The following KITLG variants were observed in gnomAD, a reference collection of about 807,000 sequenced individuals.
KITLG encodes KIT ligand.
In KITLG, 13 loss-of-function variants were observed where a neutral mutation model predicts 34.1. The ratio of observed to expected loss-of-function variants is 0.38; its 90% CI spans 0.25 to 0.61. KITLG has a LOEUF of 0.61. Among genes scored for constraint, KITLG ranks in the 20% least tolerant of loss-of-function variants. The probability of loss-of-function intolerance (pLI) is 0.60; values close to 1 mark genes in which losing one functional copy is unlikely to be tolerated. For missense variants in KITLG, 292 were observed against 318.9 expected, an observed-to-expected ratio of 0.92 and a Z score of 0.64; for synonymous variants, 110 against 104.0, an observed-to-expected ratio of 1.06 and a Z score of -0.35.
intron 1 of KITLG, among the ~76,000 whole-genome samples, chr12:88,551,960 C>G (rs989529471): frequency 6.6e-6 from 1 of 151,934 alleles, no homozygotes; most frequent in African/African-American, 2.4e-5. Flanking sequence ...GAAGAAGGGT[C>G]GGGGAAATGT....
chr12:88,538,482 G>A (rs1313717097), intron 2 of KITLG, among the ~76,000 whole-genome samples: 2 of 151,702 alleles, frequency 1.3e-5, no homozygotes, highest in African/African-American at 2.4e-5. Flanking sequence ...AAGTGGTGAT[G>A]CAACACTGAA....
intron 2 of KITLG, among the ~76,000 whole-genome samples, chr12:88,544,875 A>T (rs1592576913): frequency 6.6e-6 from 1 of 152,116 alleles, no homozygotes; most frequent in Non-Finnish European, 1.5e-5. Flanking sequence ...TTATCCCAGT[A>T]CCTCAAAAAA....
intron 4 of KITLG, among the ~76,000 whole-genome samples, chr12:88,517,760 T>G (rs1431724207): frequency 6.6e-6 from 1 of 152,108 alleles, no homozygotes; most frequent in East Asian, 1.9e-4. Flanking sequence ...GATTGGATTA[T>G]TAGTATGGTA....
At chr12:88,531,272 C>T (rs1381754079) in intron 3 of KITLG, among the ~76,000 whole-genome samples, 4 of 152,164 alleles carry the variant, frequency 2.6e-5, no homozygotes, top group African/African-American at 9.7e-5. Flanking sequence ...ACATTACAAG[C>T]CCTGAAAGCA....
intron 6 of KITLG, among the ~76,000 whole-genome samples, chr12:88,509,584 G>T (rs1269562043): frequency 6.6e-6 from 1 of 152,150 alleles, no homozygotes; most frequent in Non-Finnish European, 1.5e-5. Context: ...CAATCTTCCT[G>T]CAGGAGACAG....
chr12:88,548,906 T>C (rs1378974023), intron 1 of KITLG, among the ~76,000 whole-genome samples: 1 of 152,200 alleles, frequency 6.6e-6, no homozygotes, highest in African/African-American at 2.4e-5. Flanking sequence ...TAGAACTAAC[T>C]GTACTCTTTT....
At chr12:88,528,731 A>G (rs1869970899) in intron 3 of KITLG, among the ~76,000 whole-genome samples, 1 of 152,226 alleles carries the variant, frequency 6.6e-6, no homozygotes, top group Non-Finnish European at 1.5e-5. Flanking sequence ...GCATACATAG[A>G]AAGAAAGCAA....
chr12:88,541,403 A>AT (rs1870513240), intron 2 of KITLG, among the ~76,000 whole-genome samples: 1 of 152,142 alleles, frequency 6.6e-6, no homozygotes, highest in African/African-American at 2.4e-5. Flanking sequence ...AAGACAAAAC[A>AT]TTTTTTCTTT....
chr12:88,577,855 G>T (rs1397898465), intron 1 of KITLG, among the ~76,000 whole-genome samples: 2 of 152,176 alleles, frequency 1.3e-5, no homozygotes, highest in African/African-American at 4.8e-5. Context: ...TTGGAGAGCT[G>T]TGTAATTCAA....
At chr12:88,541,969 T>C (rs1252175558) in intron 2 of KITLG, among the ~76,000 whole-genome samples, 1 of 152,142 alleles carries the variant, frequency 6.6e-6, no homozygotes, top group Non-Finnish European at 1.5e-5. Flanking sequence ...ATGATTTCCA[T>C]TGAAGGAATA....
chr12:88,525,375 A>G (rs775586266), intron 3 of KITLG, among the ~76,000 whole-genome samples: 4 of 152,178 alleles, frequency 2.6e-5, no homozygotes, highest in Non-Finnish European at 2.9e-5. Flanking sequence ...CTCCTTCAAG[A>G]TTTGGAAATC....
intron 3 of KITLG, among the ~76,000 whole-genome samples, chr12:88,527,161 C>T (rs1015776401): frequency 3.3e-5 from 5 of 152,152 alleles, no homozygotes; most frequent in Admixed American, 1.3e-4. Context: ...AGCCACTGTG[C>T]CCAGCTAGAT....
chr12:88,541,429 T>C (rs1227122684), intron 2 of KITLG, among the ~76,000 whole-genome samples: 2 of 152,156 alleles, frequency 1.3e-5, no homozygotes, highest in African/African-American at 4.8e-5. Flanking sequence ...AACAAAATCA[T>C]ATTGAGTTAA....
At chr12:88,512,463 A>G (rs1009253788) in intron 6 of KITLG, among the ~76,000 whole-genome samples, 21 of 152,052 alleles carry the variant, frequency 1.4e-4, no homozygotes, top group Non-Finnish European at 2.5e-4. Flanking sequence ...GGATAGATAA[A>G]ATGGATTAAA....
At chr12:88,506,976 A>G in intron 7 of KITLG, 52 bp downstream of exon 7, 1 of 979,758 alleles carries the variant, frequency 1.0e-6, no homozygotes, top group South Asian at 1.3e-5. Context: ...AAAAAAGATG[A>G]TAATTTATGT....
intron 2 of KITLG, among the ~76,000 whole-genome samples, chr12:88,540,867 A>C (rs1210055453): frequency 6.6e-6 from 1 of 152,180 alleles, no homozygotes; most frequent in Non-Finnish European, 1.5e-5. Flanking sequence ...CAGGAGCAGA[A>C]ATTAAAATGC....
chr12:88,508,556 C>CGTGTGTGTGTGT (rs139771009), intron 6 of KITLG, among the ~76,000 whole-genome samples: 1 of 147,604 alleles, frequency 6.8e-6, no homozygotes, highest in African/African-American at 2.5e-5. Flanking sequence ...TGTGTGCTCA[C>CGTGTGTGTGTGT]GTGTGTGTGT....
chr12:88,544,449 G>A (rs1261600345), intron 2 of KITLG, among the ~76,000 whole-genome samples: 1 of 151,264 alleles, frequency 6.6e-6, no homozygotes, highest in Non-Finnish European at 1.5e-5. Flanking sequence ...TGTTTCTTGG[G>A]TCACAAACTA....
intron 3 of KITLG, among the ~76,000 whole-genome samples, chr12:88,525,027 C>T (rs532175880): frequency 1.4e-4 from 22 of 152,242 alleles, no homozygotes; most frequent in East Asian, 5.8e-4. Flanking sequence ...CCAACCAGAA[C>T]GTTCCTCCCC....
Sources: gnomAD v4.1 joint callset for allele counts (sites outside exome capture counted in the v4.1 genomes callset) on GRCh38, gnomAD v4.1.1 for gene constraint, MANE v1.5 for transcripts, NCBI Gene and HGNC (gene_info 2026-07-23, HGNC 2026-07-21) for gene names.